Variants in DZANK1 observed in about 807,000 individuals in gnomAD.
DZANK1 encodes double zinc ribbon and ankyrin repeat domains 1.
Under a neutral mutation model 94.5 loss-of-function variants are expected in DZANK1, and 91 were observed. That is an observed-to-expected ratio of 0.96 (90% CI 0.81 to 1.15). The LOEUF (loss-of-function observed/expected upper bound fraction) is 1.15, where lower values mean the gene tolerates loss of function less well. Ranked by LOEUF, DZANK1 falls within the 50% of genes most tolerant of loss-of-function variation. DZANK1 has a pLI of 0.00. For synonymous variants in DZANK1, 312 were observed against 325.3 expected (o/e 0.96, Z 0.44); for missense variants, 903 against 916.4 (o/e 0.99, Z 0.19).
At chr20:18,427,765 G>A (rs908700358) in intron 9 of DZANK1, among the ~76,000 whole-genome samples, 1 of 152,068 alleles carries the variant, frequency 6.6e-6, no homozygotes, top group Non-Finnish European at 1.5e-5. Flanking sequence ...CTTGGACTTG[G>A]GTTTACCCTC....
chr20:18,452,136 C>T lies in DZANK1; in HGVS notation c.543+479G>A, dbSNP rs112388305. Among the ~76,000 whole-genome samples, 537 of 151,342 alleles carry T rather than the reference C, an allele frequency of 3.5e-3. 2 individuals carry two copies. The highest frequency in any genetic ancestry group is 6.4e-3 in the Non-Finnish European group (436 of 67,938). Reference sequence around the variant, plus strand: ...ACCAATTAAATCAGAATTTCTGACGCTAAACCTTGGGGATTGGTTTGAAGC... The same window carrying T: ...ACCAATTAAATCAGAATTTCTGACGTTAAACCTTGGGGATTGGTTTGAAGC... On this transcript the variant is annotated intron_variant, in intron 6 of 20. Coordinates refer to ENST00000262547, the Ensembl canonical transcript of DZANK1.
At chr20:18,405,971 C>A (rs1442889389) in intron 13 of DZANK1, among the ~76,000 whole-genome samples, 1 of 152,196 alleles carries the variant, frequency 6.6e-6, no homozygotes, top group African/African-American at 2.4e-5. Context: ...TGGGCTCAGC[C>A]AGTGCCCGCA....
chr20:18,452,076 T>G (rs2059124099), intron 6 of DZANK1: 1 of 351,264 alleles, frequency 2.8e-6, no homozygotes, highest in African/African-American at 2.1e-5. Flanking sequence ...GGGTGGTTTT[T>G]TTTTTTTTTT....
chr20:18,393,788 A>C, exon 17 of DZANK1: 1 of 1,612,690 alleles, frequency 6.2e-7, no homozygotes, highest in Non-Finnish European at 8.5e-7. Context: ...ATAGTATCTG[A>C]GGTACTCTGG....
chr20:18,427,159 C>T lies in DZANK1; in HGVS notation c.862G>A (p.Glu288Lys), dbSNP rs201791682. Residue 288 changes from glutamate (E) to lysine (K), a missense_variant and splice_region_variant, in exon 10 of 21, where the codon GAG becomes AAG. Glu to Lys is a moderately conservative substitution (Grantham distance 56). Transcript: ENST00000262547. ...CCACAGGCCCGGCAAATTACCTTCT[C>T]CTTAACAACAAAAAATAAGACATAC... 1.9e-5 allele frequency: 31 copies of T among 1,610,936 alleles called. No homozygotes were observed. In the African/African-American group the frequency reaches 3.7e-4, roughly 19 times the overall value.
intron 19 of DZANK1, among the ~76,000 whole-genome samples, chr20:18,388,596 A>G (rs1568865504): frequency 6.6e-6 from 1 of 152,252 alleles, no homozygotes; most frequent in African/African-American, 2.4e-5. Flanking sequence ...AAAACAAGGC[A>G]GCACCATTTT....
intron 1 of DZANK1, among the ~76,000 whole-genome samples, chr20:18,466,394 T>C (rs1294773219): frequency 1.3e-5 from 2 of 152,226 alleles, no homozygotes; most frequent in Non-Finnish European, 2.9e-5. Flanking sequence ...TTGAGCTTTG[T>C]CACAGACTGT....
chr20:18,399,370 C>G (rs889802900), intron 13 of DZANK1, among the ~76,000 whole-genome samples: 2 of 152,018 alleles, frequency 1.3e-5, no homozygotes, highest in African/African-American at 4.8e-5. Context: ...GCTGGAAATT[C>G]AAGCACGCAC....
chr20:18,454,992 G>C (rs1211764025), intron 4 of DZANK1, among the ~76,000 whole-genome samples: 1 of 152,178 alleles, frequency 6.6e-6, no homozygotes, highest in Non-Finnish European at 1.5e-5. Context: ...TTTTTCAGTA[G>C]GTAAGAGAGA....
chr20:18,394,554 A>G, intron 15 of DZANK1: 1 of 685,500 alleles, frequency 1.5e-6, no homozygotes, highest in South Asian at 1.5e-5. Flanking sequence ...CCCGCGGCTC[A>G]GTCTGGCCCC....
intron 3 of DZANK1, among the ~76,000 whole-genome samples, chr20:18,455,727 A>G (rs2148781876): frequency 6.6e-6 from 1 of 152,298 alleles, no homozygotes; most frequent in Middle Eastern, 3.4e-3. Context: ...TCAAATATGC[A>G]AAGCCTGGGC....
At chr20:18,392,910 T>G (rs2056098839) in intron 17 of DZANK1, among the ~76,000 whole-genome samples, 1 of 152,178 alleles carries the variant, frequency 6.6e-6, no homozygotes, top group African/African-American at 2.4e-5. Flanking sequence ...AGGTTAGGTG[T>G]TGGGCGTAGC....
chr20:18,418,672 T>G (rs2057618421), intron 10 of DZANK1, among the ~76,000 whole-genome samples: 1 of 152,190 alleles, frequency 6.6e-6, no homozygotes, highest in African/African-American at 2.4e-5. Flanking sequence ...GAACAAACTA[T>G]AACTAGTGCT....
At chr20:18,454,376 C>T in intron 4 of DZANK1, 1 of 208,854 alleles carries the variant, frequency 4.8e-6, no homozygotes, top group South Asian at 8.1e-5. Flanking sequence ...CTGCATCTAC[C>T]AACCTCCTCT....
At chr20:18,420,251 G>A (rs974671829) in intron 10 of DZANK1, 10 of 197,224 alleles carry the variant, frequency 5.1e-5, no homozygotes, top group African/African-American at 2.3e-4. Context: ...AAACGTATAA[G>A]CTTGCACCCA....
intron 10 of DZANK1, among the ~76,000 whole-genome samples, chr20:18,417,532 T>C (rs554031805): frequency 7.2e-5 from 10 of 139,796 alleles, no homozygotes; most frequent in Non-Finnish European, 1.5e-4. Context: ...GAGAGTGATA[T>C]CAAGTCTAAA....
At chr20:18,434,590 C>T (rs1246551838) in intron 8 of DZANK1, among the ~76,000 whole-genome samples, 1 of 149,180 alleles carries the variant, frequency 6.7e-6, no homozygotes, top group Non-Finnish European at 1.5e-5. Context: ...TCAGATACTG[C>T]TGTCAAAAAG....
Position 18,458,720 on chromosome 20 carries a change from T to A in DZANK1, c.263+1433A>T, listed in dbSNP as rs2059371607. On this transcript the variant is annotated intron_variant, in intron 3 of 20. Coordinates refer to ENST00000262547, the Ensembl canonical transcript of DZANK1. The stretch of plus-strand genomic sequence containing the variant: ...CAAGCCTCTCCATCCAGGGATCACC[T>A]GAATCTTGGATGGTCTTGATGCTCC... Among the ~76,000 whole-genome samples, 3 of 152,294 alleles carry A rather than the reference T, an allele frequency of 2.0e-5. No homozygotes were observed. In the South Asian group the frequency reaches 6.2e-4, roughly 32 times the overall value.
intron 4 of DZANK1, among the ~76,000 whole-genome samples, chr20:18,454,912 T>C: frequency 6.6e-6 from 1 of 151,996 alleles, no homozygotes. Flanking sequence ...ATGTAGGGGG[T>C]TGACAGACCA....
Sources: gnomAD v4.1 joint callset for allele counts (sites outside exome capture counted in the v4.1 genomes callset) on GRCh38, gnomAD v4.1.1 for gene constraint, MANE v1.5 for transcripts, NCBI Gene and HGNC (gene_info 2026-07-23, HGNC 2026-07-21) for gene names.